The following KCNMA1 variants were observed in gnomAD, a reference collection of about 807,000 sequenced individuals.
The protein encoded by KCNMA1 is potassium calcium-activated channel subfamily M alpha 1, also known as Calcium-activated potassium channel subunit alpha-1.
In KCNMA1, 29 loss-of-function variants were observed where a neutral mutation model predicts 140.0. The ratio of observed to expected loss-of-function variants is 0.21; its 90% CI spans 0.15 to 0.28. The LOEUF (loss-of-function observed/expected upper bound fraction) is 0.28. Ranked by LOEUF, KCNMA1 falls within the 10% of genes least tolerant of loss-of-function variation. The pLI, the probability that KCNMA1 is intolerant of heterozygous loss-of-function variation, is 1.00. For missense variants in KCNMA1, 880 were observed against 1,602.2 expected (o/e 0.55, Z 7.70); for synonymous variants, 612 against 611.9 (o/e 1.00, Z 0.00).
chr10:77,050,305 A>C (rs1323619216), intron 14 of KCNMA1, among the ~76,000 whole-genome samples: 5 of 151,464 alleles, frequency 3.3e-5, no homozygotes, highest in Admixed American at 3.3e-4. Context: ...CAAAAAAACA[A>C]AAAAAAAACT....
intron 1 of KCNMA1, among the ~76,000 whole-genome samples, chr10:77,554,825 C>T (rs925474325): frequency 4.6e-5 from 7 of 152,070 alleles, no homozygotes; most frequent in African/African-American, 1.7e-4. Flanking sequence ...GCACAGTCAA[C>T]CATTACGGCC....
intron 3 of KCNMA1, among the ~76,000 whole-genome samples, chr10:77,222,536 G>A (rs1341463109): frequency 2.0e-5 from 3 of 152,170 alleles, no homozygotes; most frequent in Non-Finnish European, 4.4e-5. Flanking sequence ...ATATTTTCAG[G>A]TTCTACCTGG....
chr10:76,957,127 CA>C (rs569115924), intron 20 of KCNMA1, among the ~76,000 whole-genome samples: 1,591 of 71,184 alleles, frequency 0.022, 14 homozygotes, highest in African/African-American at 0.074. Flanking sequence ...GACTCTGTCT[CA>C]AAAAAAAAAA....
chr10:76,939,892 C>T (rs931188167), intron 23 of KCNMA1: 2 of 152,214 alleles, frequency 1.3e-5, no homozygotes, highest in Non-Finnish European at 2.9e-5. Context: ...AACAGTCTGG[C>T]AAGAGCCACT....
intron 1 of KCNMA1, among the ~76,000 whole-genome samples, chr10:77,572,117 A>G: frequency 6.6e-6 from 1 of 152,318 alleles, no homozygotes; most frequent in South Asian, 2.1e-4. Context: ...CAAAGACTGT[A>G]GAGACATTTC....
chr10:76,942,406 A>G (rs1219764562), intron 23 of KCNMA1, among the ~76,000 whole-genome samples: 1 of 152,264 alleles, frequency 6.6e-6, no homozygotes, highest in Non-Finnish European at 1.5e-5. Context: ...GGTGGAGGGT[A>G]CAAAAACATT....
At position 77,584,571 on chromosome 10, in the gene KCNMA1, GT is replaced by G. The variant is rs2076742559; in HGVS notation, c.378+52693del. ...GGAGGGTTTCACCATGTTAGCCAGG[GT>G]GGTCTCGATCTCTTGACTTCATGAT... is the stretch of plus-strand genomic sequence containing the variant. On this transcript the variant is annotated intron_variant, in intron 1 of 27. Coordinates refer to ENST00000286628, the MANE Select transcript of KCNMA1 (RefSeq NM_001161352.2). Among the ~76,000 whole-genome samples the G allele has an allele frequency of 2.6e-5, 4 of 152,178 alleles. No individual in the cohort carries two copies. In the South Asian group the frequency reaches 8.3e-4, roughly 32 times the overall value.
At chr10:76,920,016 GTGTGTATATATATA>G (rs1238917349) in intron 23 of KCNMA1, among the ~76,000 whole-genome samples, 15 of 44,300 alleles carry the variant, frequency 3.4e-4, no homozygotes, top group African/African-American at 1.7e-3. Flanking sequence ...GTGTGTGTGT[GTGTGTATATATATA>G]TATATATATA....
intron 5 of KCNMA1, among the ~76,000 whole-genome samples, chr10:77,166,695 G>A (rs1245680711): frequency 6.6e-6 from 1 of 151,794 alleles, no homozygotes; most frequent in Non-Finnish European, 1.5e-5. Context: ...AGGGGAGGAG[G>A]AGTTTTAACT....
At chr10:77,371,459 CT>C (rs2094711265) in intron 2 of KCNMA1, among the ~76,000 whole-genome samples, 1 of 152,194 alleles carries the variant, frequency 6.6e-6, no homozygotes, top group Non-Finnish European at 1.5e-5. Flanking sequence ...GTCTTGACCC[CT>C]GGGCTGATTT....
intron 16 of KCNMA1, chr10:77,021,208 G>C (rs530909560): frequency 6.6e-6 from 1 of 152,128 alleles, no homozygotes; most frequent in Non-Finnish European, 1.5e-5. Context: ...TCCATGCACT[G>C]GCTTTGCAAA....
intron 1 of KCNMA1, chr10:77,636,619 C>G (rs1237221341): frequency 6.5e-7 from 1 of 1,536,120 alleles, no homozygotes; most frequent in Non-Finnish European, 8.7e-7. Context: ...TCGACACATT[C>G]CAAAAGTGGC....
rs544801054 is a variant in KCNMA1 at position 77,268,442 on chromosome 10, T to C, written c.541-17186A>G. On this transcript the variant is annotated intron_variant, in intron 2 of 27. Coordinates refer to ENST00000286628, the MANE Select transcript of KCNMA1 (RefSeq NM_001161352.2). ...GGTCTGCTGATGAGTAAGTGTTGTT[T>C]TTTTAAGGCCTTGTCTGGCATTGAA... 4.6e-4 allele frequency among the ~76,000 whole-genome samples: 70 copies of C among 152,274 alleles called. No individual in the cohort carries two copies. In the South Asian group the frequency reaches 0.011, roughly 24 times the overall value.
intron 2 of KCNMA1, among the ~76,000 whole-genome samples, chr10:77,346,137 C>T (rs1020752434): frequency 1.3e-5 from 2 of 152,188 alleles, no homozygotes; most frequent in East Asian, 3.9e-4. Flanking sequence ...CACAAGAGTG[C>T]TGCAGTAACC....
At chr10:77,278,927 T>C (rs1044020825) in intron 2 of KCNMA1, among the ~76,000 whole-genome samples, 1 of 152,242 alleles carries the variant, frequency 6.6e-6, no homozygotes, top group Admixed American at 6.5e-5. Context: ...AAGTGGCTTT[T>C]TCCTCATAGA....
chr10:77,025,242 GTATATATATATATATATATA>G lies in KCNMA1; in HGVS notation c.1928+2561_1928+2580del, dbSNP rs1183311699. Among the ~76,000 whole-genome samples, 49 of 42,772 alleles carry G rather than the reference GTATATATATATATATATATA, an allele frequency of 1.1e-3. 1 individual carries two copies. In the South Asian group the frequency reaches 0.041, roughly 36 times the overall value. The allele number at this position is 42,772 out of a possible 152,430, so 28.1% of individuals were successfully genotyped here. On this transcript the variant is annotated intron_variant, in intron 16 of 27. Coordinates refer to ENST00000286628, the MANE Select transcript of KCNMA1 (RefSeq NM_001161352.2). ...ACTCTAGTTGGAGAGGGGTGTGTGT[GTATATATATATATATATATA>G]TATATATATATATATATATACACAC...
chr10:77,098,851 C>A (rs926166379), intron 9 of KCNMA1, among the ~76,000 whole-genome samples: 3 of 152,002 alleles, frequency 2.0e-5, no homozygotes, highest in Non-Finnish European at 2.9e-5. Flanking sequence ...TGCACTGATT[C>A]CTCCTATGCC....
chr10:77,123,999 C>A (rs10824491), intron 5 of KCNMA1, among the ~76,000 whole-genome samples: 61,096 of 151,908 alleles, frequency 0.4, 12,922 homozygotes, highest in Middle Eastern at 0.48. Flanking sequence ...GCAACTTAAA[C>A]ATTATGAATT....
At chr10:77,467,081 A>G (rs2098038021) in intron 1 of KCNMA1, among the ~76,000 whole-genome samples, 1 of 152,242 alleles carries the variant, frequency 6.6e-6, no homozygotes, top group African/African-American at 2.4e-5. Flanking sequence ...CTTCTAGGCC[A>G]GACTGTGAAG....
Sources: allele counts gnomAD v4.1 joint callset (sites outside exome capture counted in the v4.1 genomes callset), GRCh38; gene constraint gnomAD v4.1.1; transcripts MANE v1.5; gene names NCBI Gene and HGNC (gene_info 2026-07-23, HGNC 2026-07-21).